The following FSTL1 variants were observed in gnomAD, a reference collection of about 807,000 sequenced individuals.
FSTL1 encodes follistatin-related protein 1.
A neutral mutation model predicts 45.9 loss-of-function variants in FSTL1; 24 were observed. The observed-to-expected ratio is 0.52, with a 90% confidence interval of 0.38 to 0.74. The LOEUF (loss-of-function observed/expected upper bound fraction) is 0.74. Among genes scored for constraint, FSTL1 ranks in the 30% least tolerant of loss-of-function variants. The pLI, the probability that FSTL1 is intolerant of heterozygous loss-of-function variation, is 0.00. For synonymous variants in FSTL1, 120 were observed against 137.6 expected, an observed-to-expected ratio of 0.87 and a Z score of 0.89; for missense variants, 340 against 381.8, an observed-to-expected ratio of 0.89 and a Z score of 0.91.
chr3:120,409,697 CA>C (rs1937014103), intron 5 of FSTL1, 35 bp from the exon 6 acceptor site: 2 of 1,609,822 alleles, frequency 1.2e-6, no homozygotes, highest in Non-Finnish European at 8.5e-7. Context: ...CTGGAGCAGT[CA>C]GGGGAGGACC....
At chr3:120,423,969 G>T (rs1192726474) in intron 2 of FSTL1, 1 of 152,188 alleles carries the variant, frequency 6.6e-6, no homozygotes, top group East Asian at 1.9e-4. Context: ...GTCTACCTAA[G>T]ACTTGTCCAC....
At chr3:120,429,543 C>G (rs529871054) in intron 2 of FSTL1, among the ~76,000 whole-genome samples, 1 of 152,264 alleles carries the variant, frequency 6.6e-6, no homozygotes, top group East Asian at 1.9e-4. Context: ...GGATGCTAAC[C>G]TGGTATCTAT....
rs1937012111 is a variant in FSTL1, at chr3:120,409,631, G to A, written c.363C>T (p.Leu121=). The change falls in exon 6 of 11, where the codon CTC becomes CTT. Residue 121 remains leucine, a synonymous_variant. Transcript: ENST00000295633. The part of the protein sequence containing the change: ...VVCYQSNRDE[L]RRRIIQWLEA... Reference sequence around the variant, plus strand: ...CCAGCCACTGGATGATGCGACGTCGGAGCTCATCACGGTTGGACTGATAGC... The same window carrying A: ...CCAGCCACTGGATGATGCGACGTCGAAGCTCATCACGGTTGGACTGATAGC... 6.2e-7 allele frequency: 1 copy of A among 1,614,046 alleles called. No homozygotes were observed.
intron 2 of FSTL1, among the ~76,000 whole-genome samples, chr3:120,436,581 A>C (rs916311245): frequency 2.6e-5 from 4 of 152,260 alleles, no homozygotes; most frequent in African/African-American, 9.6e-5. Context: ...GCTAAACCAG[A>C]AAATCTGCAT....
At chr3:120,429,361 G>C (rs1164144660) in intron 2 of FSTL1, among the ~76,000 whole-genome samples, 2 of 152,268 alleles carry the variant, frequency 1.3e-5, no homozygotes, top group Non-Finnish European at 2.9e-5. Flanking sequence ...GCACCCATGA[G>C]TGTGGCCTTC....
At position 120,450,887 on chromosome 3, in the gene FSTL1, C is replaced by T. The variant is rs532464039; in HGVS notation, c.-1+10G>A. 2.4e-4 allele frequency: 134 copies of T among 559,282 alleles called. 1 individual carries two copies. Among genetic ancestry groups the T allele is most frequent in the African/African-American group, 2.3e-3 (113 of 50,022 alleles). The allele number at this position is 559,282 out of a possible 1,614,324, so 34.6% of individuals were successfully genotyped here. A position where few individuals can be genotyped will look rare whatever the true frequency, so the allele number is the denominator to read the frequency against. On this transcript the variant is annotated intron_variant, in intron 1 of 10. Transcript: ENST00000295633. ...GAGTCCGGCCTCCGCGCCGTGCGCC[C>T]TGCGCTCACCGTGGTCTGGTCCAGG...
chr3:120,396,658 A>G lies in FSTL1; in HGVS notation c.*294T>C, dbSNP rs1034611920. ...GATGCAGTAAACTCAAAAGAGGTTC[A>G]GATTTGGGTCTGTTCCTCTTTCAAT... On this transcript the variant is annotated 3_prime_UTR_variant, in exon 11 of 11. Coordinates refer to ENST00000295633, the MANE Select transcript of FSTL1 (RefSeq NM_007085.5). 2 of 355,850 alleles carry G rather than the reference A, an allele frequency of 5.6e-6. No individual in the cohort carries two copies. Among genetic ancestry groups the G allele is most frequent in the African/African-American group, 2.1e-5 (1 of 47,134 alleles). 22.0% of individuals were successfully genotyped at this position (355,850 alleles called of 1,614,324 possible). A position where few individuals can be genotyped will look rare whatever the true frequency, so the allele number is the denominator to read the frequency against.
At position 120,418,418 on chromosome 3, in the gene FSTL1, T is replaced by C. The variant is rs1011672585; in HGVS notation, c.64-2391A>G. Among the ~76,000 whole-genome samples, 5 of 152,194 alleles carry C rather than the reference T, an allele frequency of 3.3e-5. No individual in the cohort carries two copies. In the East Asian group the frequency reaches 9.6e-4, roughly 29 times the overall value. Reference sequence around the variant, plus strand: ...ATAAATATCCGGCATCCTACTATTTTTATTATATGTGATTTAAGCTCTTCA... The same window carrying C: ...ATAAATATCCGGCATCCTACTATTTCTATTATATGTGATTTAAGCTCTTCA... On this transcript the variant is annotated intron_variant, in intron 2 of 10. Transcript: ENST00000295633.
Position 120,411,911 on chromosome 3 carries a change from G to T in FSTL1, c.241C>A (p.Arg81=). The stretch of plus-strand genomic sequence containing the variant: ...TTGGATCCAGTGAGGCAGGCATCTC[G>T]ATGCAGTTCACAGTGGTTGAGGTAG... ...KTYLNHCELH[R]DACLTGSKIQ... The change falls in exon 4 of 11, where the codon CGA becomes AGA. Residue 81 remains arginine (R), a synonymous_variant. Transcript: ENST00000295633. 6.2e-7 allele frequency: 1 copy of T among 1,613,406 alleles called. No individual in the cohort carries two copies. The highest frequency in any genetic ancestry group is 8.5e-7 in the Non-Finnish European group (1 of 1,179,306).
Position 120,395,476 on chromosome 3 carries a change from T to C in FSTL1, c.*1476A>G, listed in dbSNP as rs922653987. 2.1e-4 allele frequency: 80 copies of C among 383,490 alleles called. No homozygotes were observed. The highest frequency in any genetic ancestry group is 7.7e-5 in the East Asian group (1 of 13,056). 23.8% of individuals were successfully genotyped at this position (383,490 alleles called of 1,614,324 possible). ...TCCTCATCTCTAAGGGAATGCTTTC[T>C]ATTTCCAGCCGGAGGTTAAACATGA... On this transcript the variant is annotated 3_prime_UTR_variant, in exon 11 of 11. Transcript: ENST00000295633.
Position 120,395,812 on chromosome 3 carries a change from A to G in FSTL1, c.*1140T>C, listed in dbSNP as rs1936687140. The stretch of plus-strand genomic sequence containing the variant: ...TCACTGAGGAAACTGAGGTCCAGAA[A>G]AAAGAAGAGACAGGGCCAACTCACC... On this transcript the variant is annotated 3_prime_UTR_variant, in exon 11 of 11. Transcript: ENST00000295633. The G allele has an allele frequency of 2.1e-6, 1 of 478,598 alleles. No individual in the cohort carries two copies. Among genetic ancestry groups the G allele is most frequent in the Admixed American group, 2.5e-5 (1 of 40,400 alleles). 29.6% of individuals were successfully genotyped at this position (478,598 alleles called of 1,614,324 possible).
intron 6 of FSTL1, among the ~76,000 whole-genome samples, chr3:120,408,151 AG>A (rs1424916738): frequency 2.4e-4 from 37 of 152,332 alleles, no homozygotes; most frequent in African/African-American, 8.9e-4. Context: ...CCATTCGCTC[AG>A]CTTTTGAACA....
intron 2 of FSTL1, among the ~76,000 whole-genome samples, chr3:120,443,441 TC>T (rs1937668418): frequency 6.7e-6 from 1 of 149,954 alleles, no homozygotes. Flanking sequence ...GCCTGACACT[TC>T]TGTAGATCCA....
intron 2 of FSTL1, among the ~76,000 whole-genome samples, chr3:120,443,048 C>T (rs1937659736): frequency 6.8e-6 from 1 of 147,374 alleles, no homozygotes. Flanking sequence ...ACATATGTAA[C>T]TAACCTGCAC....
In FSTL1 at chr3:120,405,004, GT is replaced by G. The variant is rs753231589; in HGVS notation, c.463-34del. 1.2e-5 allele frequency: 13 copies of G among 1,090,074 alleles called. No individual in the cohort carries two copies. The African/African-American group carries it at 1.4e-4, about 12-fold the overall frequency. The allele number at this position is 1,090,074 out of a possible 1,614,324, so 67.5% of individuals were successfully genotyped here. A position where few individuals can be genotyped will look rare whatever the true frequency, so the allele number is the denominator to read the frequency against. ...GGGCATGACAAGATCGTTCAGGGAT[GT>G]TTTGCAGAACCCCTGTTCCATCATT... On this transcript the variant is annotated intron_variant, in intron 6 of 10. Coordinates refer to ENST00000295633, the MANE Select transcript of FSTL1 (RefSeq NM_007085.5).
chr3:120,409,189 C>T (rs1937002853), intron 6 of FSTL1, among the ~76,000 whole-genome samples: 1 of 152,176 alleles, frequency 6.6e-6, no homozygotes, highest in Non-Finnish European at 1.5e-5. Flanking sequence ...TGGGTGCAAT[C>T]AGAGGGAATT....
intron 2 of FSTL1, chr3:120,423,455 GT>G (rs1261982054): frequency 6.6e-6 from 1 of 152,124 alleles, no homozygotes; most frequent in East Asian, 1.9e-4. Context: ...TTAGAAACAT[GT>G]TAGGCCTGTT....
chr3:120,403,973 C>CT (rs113515481), intron 7 of FSTL1, among the ~76,000 whole-genome samples: 1 of 72,954 alleles, frequency 1.4e-5, no homozygotes, highest in Non-Finnish European at 2.7e-5. Flanking sequence ...AAAACAAAAA[C>CT]AAAAAAAAAC....
chr3:120,404,764 G>A (rs1936914002), intron 7 of FSTL1, 89 bp downstream of exon 7: 5 of 750,272 alleles, frequency 6.7e-6, no homozygotes, highest in Admixed American at 5.6e-5. Flanking sequence ...CTCACTGGTG[G>A]CTCTTTTGCA....
Sources: allele counts gnomAD v4.1 joint callset (sites outside exome capture counted in the v4.1 genomes callset), GRCh38; gene constraint gnomAD v4.1.1; transcripts MANE v1.5; gene names NCBI Gene and HGNC (gene_info 2026-07-23, HGNC 2026-07-21).